Variants in RAG1 observed in about 807,000 individuals in gnomAD.
RAG1 encodes V(D)J recombination-activating protein 1.
In RAG1, 35 loss-of-function variants were observed where a neutral mutation model predicts 62.7. The ratio of observed to expected loss-of-function variants is 0.56; its 90% confidence interval spans 0.43 to 0.74. The LOEUF is 0.74. Ranked by LOEUF, RAG1 falls within the 30% of genes least tolerant of loss-of-function variation. The pLI is 0.00. For synonymous variants in RAG1, 461 were observed against 470.3 expected (o/e 0.98, Z 0.26); for missense variants, 1,169 against 1,278.6 (o/e 0.91, Z 1.31).
chr11:36,579,595 G>C lies in RAG1; in HGVS notation c.*3159G>C, dbSNP rs1478928234. The C allele has an allele frequency of 6.0e-6, 1 of 166,182 alleles. No homozygotes were observed. The highest frequency in any genetic ancestry group is 1.5e-5 in the Non-Finnish European group (1 of 67,956). 10.3% of individuals were successfully genotyped at this position (166,182 alleles called of 1,614,324 possible). A position where few individuals can be genotyped will look rare whatever the true frequency, so the allele number is the denominator to read the frequency against. On this transcript the variant is annotated 3_prime_UTR_variant, in exon 2 of 2. Coordinates refer to ENST00000299440, the MANE Select transcript of RAG1 (RefSeq NM_000448.3). ...AAAATTCAGGTACCAGGATGCAATG[G>C]ATTTATTTGATTCAGGGGACCTGTG...
At position 36,579,604 on chromosome 11, in the gene RAG1, G is replaced by T; in HGVS notation, c.*3168G>T. ...GTACCAGGATGCAATGGATTTATTT[G>T]ATTCAGGGGACCTGTGTTTCCATGT... is the stretch of plus-strand genomic sequence containing the variant. On this transcript the variant is annotated 3_prime_UTR_variant, in exon 2 of 2. Coordinates refer to ENST00000299440, the MANE Select transcript of RAG1 (RefSeq NM_000448.3). 1 of 163,288 alleles carries T rather than the reference G, an allele frequency of 6.1e-6. No individual in the cohort carries two copies. Among genetic ancestry groups the T allele is most frequent in the African/African-American group, 2.5e-5 (1 of 40,214 alleles). 10.1% of individuals were successfully genotyped at this position (163,288 alleles called of 1,614,324 possible). A position where few individuals can be genotyped will look rare whatever the true frequency, so the allele number is the denominator to read the frequency against.
At chr11:36,537,851 T>G (rs1860355854), downstream of RAG1, among the ~76,000 whole-genome samples, 1 of 152,214 alleles carries the variant, frequency 6.6e-6, no homozygotes, top group Non-Finnish European at 1.5e-5. Flanking sequence ...ACTTATCCTA[T>G]AGTATCTATC....
At position 36,576,741 on chromosome 11, in the gene RAG1, G is replaced by T; in HGVS notation, c.*305G>T. On this transcript the variant is annotated 3_prime_UTR_variant, in exon 2 of 2. Transcript: ENST00000299440. ...AAAGATCTGTGTGTGTTGGGGAGCT[G>T]TCATGTAAATCAAAGCCAAGGTTGT... 2.8e-6 allele frequency: 1 copy of T among 362,162 alleles called. No homozygotes were observed. The highest frequency in any genetic ancestry group is 4.1e-5 in the South Asian group (1 of 24,674). The allele number at this position is 362,162 out of a possible 1,614,324, so 22.4% of individuals were successfully genotyped here. A position where few individuals can be genotyped will look rare whatever the true frequency, so the allele number is the denominator to read the frequency against.
intron 2 of RAG1, among the ~76,000 whole-genome samples, chr11:36,526,445 G>A (rs1860164281): frequency 6.6e-6 from 1 of 151,784 alleles, no homozygotes; most frequent in African/African-American, 2.4e-5. Context: ...AGTATTCCAT[G>A]GTATATGTGC....
At chr11:36,568,182 A>T (rs1326786515) in intron 1 of RAG1, 60 bp downstream of exon 1, 2 of 152,188 alleles carry the variant, frequency 1.3e-5, no homozygotes, top group African/African-American at 4.8e-5. Flanking sequence ...TATGTTTCTA[A>T]CTAGAAGTGC....
chr11:36,570,619 C>A (rs1342697488), intron 1 of RAG1, among the ~76,000 whole-genome samples: 1 of 152,150 alleles, frequency 6.6e-6, no homozygotes, highest in African/African-American at 2.4e-5. Context: ...AGTGGCTGTA[C>A]TAATTTACAT....
intron 3 of RAG1, among the ~76,000 whole-genome samples, chr11:36,545,520 A>G (rs1022370517): frequency 7.9e-5 from 12 of 152,194 alleles, no homozygotes; most frequent in Non-Finnish European, 1.3e-4. Context: ...GACCTCCAGA[A>G]CTGTGAGAAA....
intron 1 of RAG1, among the ~76,000 whole-genome samples, chr11:36,518,259 G>A (rs867328265): frequency 6.6e-6 from 1 of 151,916 alleles, no homozygotes; most frequent in Non-Finnish European, 1.5e-5. Context: ...ATTTGGGTTG[G>A]TTCCAAGTCT....
intron 3 of RAG1, among the ~76,000 whole-genome samples, chr11:36,547,303 A>G (rs1850409048): frequency 6.6e-6 from 1 of 152,172 alleles, no homozygotes; most frequent in Admixed American, 6.6e-5. Flanking sequence ...GGAGATAGAG[A>G]CACACAAACT....
chr11:36,551,518 C>G (rs1391476224), intron 3 of RAG1, among the ~76,000 whole-genome samples: 1 of 151,062 alleles, frequency 6.6e-6, no homozygotes, highest in African/African-American at 2.4e-5. Flanking sequence ...CTGTGTGTGT[C>G]TGTGTTCTAA....
chr11:36,559,583 G>A (rs754639665), intron 3 of RAG1, among the ~76,000 whole-genome samples: 3 of 151,476 alleles, frequency 2.0e-5, no homozygotes, highest in East Asian at 1.9e-4. Context: ...CTCTCTTTTT[G>A]TCTGATTGGG....
chr11:36,564,928 G>C (rs1850640163), upstream of RAG1, among the ~76,000 whole-genome samples: 1 of 152,140 alleles, frequency 6.6e-6, no homozygotes, highest in Non-Finnish European at 1.5e-5. Context: ...CAGTGTAGTG[G>C]AAAGAACGTT....
At position 36,574,753 on chromosome 11, in the gene RAG1, G is replaced by A; in HGVS notation, c.1449G>A (p.Gln483=). The A allele has an allele frequency of 6.2e-7, 1 of 1,614,244 alleles. No individual in the cohort carries two copies. The highest frequency in any genetic ancestry group is 8.5e-7 in the Non-Finnish European group (1 of 1,180,050). The part of the protein sequence containing the change: ...IRVNTFLSCS[Q]YHKMYRTVKA... ...TCAACACCTTCCTCAGCTGCAGTCA[G>A]TACCACAAGATGTACAGGACTGTGA... Residue 483 remains glutamine (Q), a synonymous_variant, in exon 2 of 2, where the codon CAG becomes CAA. Transcript: ENST00000299440.
rs551375143 is a variant in RAG1 at position 36,546,642 on chromosome 11, C to T, written c.-412+10608C>T. The stretch of plus-strand genomic sequence containing the variant: ...TTTTGATGCTAGCTGGTTATTTTGC[C>T]CATTTGTTGATGCAGTTTCTTCATA... On this transcript the variant is annotated intron_variant and NMD_transcript_variant, in intron 3 of 9. Coordinates refer to the RAG1 transcript ENST00000534663. Among the ~76,000 whole-genome samples, 509 of 152,054 alleles carry T rather than the reference C, an allele frequency of 3.3e-3. 8 individuals are homozygous for T. Among genetic ancestry groups the T allele is most frequent in the Non-Finnish European group, 4.5e-3 (306 of 67,982 alleles).
rs201501543 is a variant in RAG1 at position 36,573,264 on chromosome 11, A to C, written c.-14-27A>C. 3.7e-6 allele frequency: 6 copies of C among 1,612,260 alleles called. No individual in the cohort carries two copies. The African/African-American group carries it at 8.0e-5, about 21-fold the overall frequency. ...TCAGTGGGATATTGATATTGGTCTT[A>C]ATATGACTTGTTTTCATTGTTCTCA... On this transcript the variant is annotated intron_variant, in intron 1 of 1. Transcript: ENST00000299440.
At chr11:36,551,772 C>T (rs1204140512) in intron 3 of RAG1, among the ~76,000 whole-genome samples, 1 of 139,978 alleles carries the variant, frequency 7.1e-6, no homozygotes, top group Non-Finnish European at 1.5e-5. Context: ...CTGACCCCAC[C>T]ACAGTCCCCA....
At chr11:36,518,457 A>G (rs180753450) in intron 1 of RAG1, among the ~76,000 whole-genome samples, 11 of 152,354 alleles carry the variant, frequency 7.2e-5, no homozygotes, top group Admixed American at 1.3e-4. Flanking sequence ...ATTCCCACCA[A>G]CAGTGTAAAA....
Position 36,573,336 on chromosome 11 carries a change from T to C in RAG1, c.32T>C (p.Leu11Pro). 1 of 1,614,218 alleles carries C rather than the reference T, an allele frequency of 6.2e-7. No individual in the cohort carries two copies. The highest frequency in any genetic ancestry group is 2.2e-5 in the East Asian group (1 of 44,876). Residue 11 changes from leucine (L) to proline (P), a missense_variant, in exon 2 of 2, where the codon CTC becomes CCC. Leu to Pro is a moderately conservative substitution (Grantham distance 98). Transcript: ENST00000299440. Reference protein sequence around the residue: MAASFPPTLGLSSAPDEIQHP... With the variant: MAASFPPTLGPSSAPDEIQHP... ...GCCTCTTTCCCACCCACCTTGGGACTCAGTTCTGCCCCAGATGAAATTCAG... is the reference window on the plus strand; with the variant it reads ...GCCTCTTTCCCACCCACCTTGGGACCCAGTTCTGCCCCAGATGAAATTCAG...
Position 36,575,637 on chromosome 11 carries a change from G to A in RAG1, c.2333G>A (p.Arg778Gln), listed in dbSNP as rs121918569. The A allele has an allele frequency of 5.0e-6, 8 of 1,614,054 alleles. No homozygotes were observed. The highest frequency in any genetic ancestry group is 2.2e-5 in the East Asian group (1 of 44,896). ...YHESVEELRDRVKGVSAKPFI... is the reference protein window; with the variant it reads ...YHESVEELRDQVKGVSAKPFI... ...GAGTCTGTGGAAGAACTGCGGGATC[G>A]GGTGAAAGGGGTCTCAGCTAAACCT... Residue 778 changes from arginine (R) to glutamine (Q), a missense_variant, in exon 2 of 2, where the codon CGG (arginine) becomes CAG (glutamine). Arg to Gln is a conservative substitution (Grantham distance 43, BLOSUM62 1). This residue lies in a region of RAG1 where 800 missense variants were observed against 943.3 expected (regional missense o/e 0.85). Coordinates refer to ENST00000299440, the MANE Select transcript of RAG1 (RefSeq NM_000448.3). This position sits in a 1 kb window ranked among gnomAD's most constrained non-coding sequence, Gnocchi z 4.1.
Sources: allele counts gnomAD v4.1 joint callset (sites outside exome capture counted in the v4.1 genomes callset), GRCh38; gene constraint gnomAD v4.1.1; regional missense constraint gnomAD v4.1.1; non-coding constraint Gnocchi (gnomAD v3.1); transcripts MANE v1.5; gene names NCBI Gene and HGNC (gene_info 2026-07-23, HGNC 2026-07-21).